SULT1A1: variants seen among roughly 807,000 people sequenced by gnomAD.
SULT1A1 encodes the protein sulfotransferase 1A1.
In SULT1A1, 35 loss-of-function variants were observed where a neutral mutation model predicts 36.8. That is an observed-to-expected ratio of 0.95 (90% CI 0.73 to 1.26). The LOEUF (loss-of-function observed/expected upper bound fraction) is 1.26, where lower values mean the gene tolerates loss of function less well. Among genes scored for constraint, SULT1A1 ranks in the 50% most tolerant of loss-of-function variants. The pLI, the probability that SULT1A1 is intolerant of heterozygous loss-of-function variation, is 0.00. For missense variants in SULT1A1, 309 were observed against 383.0 expected, an observed-to-expected ratio of 0.81 and a Z score of 1.61; for synonymous variants, 119 against 146.0, an observed-to-expected ratio of 0.82 and a Z score of 1.33.
At chr16:28,623,117 C>G (rs771008744) in intron 1 of SULT1A1, 6 of 1,544,316 alleles carry the variant, frequency 3.9e-6, no homozygotes, top group Non-Finnish European at 5.2e-6. Context: ...CAGGTTCCCC[C>G]CCCGGCCCCT....
intron 2 of SULT1A1, among the ~76,000 whole-genome samples, chr16:28,618,964 A>G (rs1367014638): frequency 6.6e-6 from 1 of 152,240 alleles, no homozygotes; most frequent in Non-Finnish European, 1.5e-5. Context: ...AGTTAATATA[A>G]TAAAGTCAGA....
At chr16:28,609,618 C>A in intron 1 of SULT1A1, 2 of 388,966 alleles carry the variant, frequency 5.1e-6, no homozygotes, top group South Asian at 4.3e-5. Flanking sequence ...ATTAACCAGG[C>A]AGGATGATGA....
chr16:28,620,196 G>T, intron 1 of SULT1A1: 1 of 1,507,978 alleles, frequency 6.6e-7, no homozygotes, highest in Non-Finnish European at 9.1e-7. Flanking sequence ...AACAGTTCAT[G>T]TTTAAGTTTA....
chr16:28,609,529 T>C, intron 1 of SULT1A1: 2 of 712,554 alleles, frequency 2.8e-6, no homozygotes, highest in Non-Finnish European at 4.1e-6. Flanking sequence ...CTAGGGAGGC[T>C]GAGGCCAGGA....
intron 2 of SULT1A1, among the ~76,000 whole-genome samples, chr16:28,618,954 A>T (rs1055750767): frequency 1.3e-5 from 2 of 152,224 alleles, no homozygotes; most frequent in African/African-American, 4.8e-5. Context: ...CATTAATAAG[A>T]GTTAATATAA....
chr16:28,610,250 G>GTT, upstream of SULT1A1: 1 of 572,612 alleles, frequency 1.7e-6, no homozygotes, highest in Non-Finnish European at 2.5e-6. Context: ...TGTTTTTGTA[G>GTT]GTTTTTTTTT....
chr16:28,617,599 T>C (rs1240418358), intron 2 of SULT1A1, among the ~76,000 whole-genome samples: 1 of 152,070 alleles, frequency 6.6e-6, no homozygotes, highest in African/African-American at 2.4e-5. Context: ...TGGAGTGCAG[T>C]GGCACGATCT....
chr16:28,623,164 C>T, exon 1 of SULT1A1: 3 of 1,548,714 alleles, frequency 1.9e-6, no homozygotes, highest in Non-Finnish European at 2.6e-6. Context: ...ATGGGCGCAC[C>T]GACCACCTGG....
exon 1 of SULT1A1, chr16:28,623,354 G>C (rs2047696645): frequency 2.0e-6 from 3 of 1,492,254 alleles, no homozygotes; most frequent in East Asian, 2.5e-5. Context: ...CGTCCCCGGC[G>C]GAGACGAGCG....
chr16:28,608,921 A>G (rs41278152), intron 1 of SULT1A1, 62 bp from the exon 2 acceptor site: 76,400 of 1,603,060 alleles, frequency 0.048, 442 homozygotes, highest in East Asian at 0.092. Context: ...AAGAAAGTGG[A>G]ATTCTTGCTT....
chr16:28,622,659 G>T lies in SULT1A1; in HGVS notation c.67+472C>A, dbSNP rs148056348. ...TCCTGTGTTGGCCCCGGGGCCCCAG[G>T]CGTGGATTTTCTGAACAGCAGGTCG... On this transcript the variant is annotated intron_variant, in intron 1 of 5. Coordinates refer to the SULT1A1 transcript ENST00000350842. Among the ~76,000 whole-genome samples, 177 of 152,244 alleles carry T rather than the reference G, an allele frequency of 1.2e-3. 1 individual carries two copies. The East Asian group carries it at 0.033, about 29-fold the overall frequency.
chr16:28,610,118 C>A (rs1231788979), upstream of SULT1A1: 3 of 1,285,340 alleles, frequency 2.3e-6, no homozygotes, highest in South Asian at 3.7e-5. Context: ...GGTGGGGGAG[C>A]TTCTCCATTA....
In SULT1A1 at chr16:28,608,069, C is replaced by T. The variant is rs181756142; in HGVS notation, c.372+222G>A. The T allele has an allele frequency of 1.8e-4, 112 of 628,276 alleles. 1 individual carries two copies. The highest frequency in any genetic ancestry group is 1.7e-3 in the African/African-American group (98 of 56,244). 38.9% of individuals were successfully genotyped at this position (628,276 alleles called of 1,614,324 possible). On this transcript the variant is annotated intron_variant, in intron 4 of 7. Transcript: ENST00000314752. ...TGGTGGGATCTCTGGCTCACCACAA[C>T]CTCCTTCTCCCGGGTTCAAGTGATT... is the stretch of plus-strand genomic sequence containing the variant.
intron 2 of SULT1A1, among the ~76,000 whole-genome samples, chr16:28,619,758 A>ATATATATCCG (rs1346386771): frequency 3.4e-3 from 2 of 596 alleles, no homozygotes; most frequent in African/African-American, 3.6e-3. Flanking sequence ...ATACATATAT[A>ATATATATCCG]TATATAGACA....
At chr16:28,609,042 C>G in intron 1 of SULT1A1, 183 bp from the exon 2 acceptor site, 2 of 1,487,110 alleles carry the variant, frequency 1.3e-6, no homozygotes, top group Non-Finnish European at 1.8e-6. Context: ...TGCGGTGGTT[C>G]CCCAGCCTGG....
Position 28,608,346 on chromosome 16 carries a change from T to C in SULT1A1, c.317A>G (p.Lys106Arg), listed in dbSNP as rs1479569653. Residue 106 changes from lysine to arginine, a missense_variant, in exon 4 of 8, where the codon AAG (lysine) becomes AGG (arginine). Physicochemically the swap from Lys to Arg is conservative, Grantham distance 26. Coordinates refer to ENST00000314752, the MANE Select transcript of SULT1A1 (RefSeq NM_001055.4). ...LKDTPAPRLL[K>R]THLPLALLPQ... ...GAGCAGAGCCAGGGGCAGGTGTGTCTTCAGGAGTCGTGGGGCCGGTGTGTC... is the reference window on the plus strand; with the variant it reads ...GAGCAGAGCCAGGGGCAGGTGTGTCCTCAGGAGTCGTGGGGCCGGTGTGTC... The C allele has an allele frequency of 6.2e-7, 1 of 1,612,260 alleles. No homozygotes were observed. Among genetic ancestry groups the C allele is most frequent in the Non-Finnish European group, 8.5e-7 (1 of 1,178,678 alleles).
rs775829949 is a variant in SULT1A1, at chr16:28,610,023, G to A, written c.-97C>T. On this transcript the variant is annotated 5_prime_UTR_variant, in exon 1 of 8. Coordinates refer to ENST00000314752, the MANE Select transcript of SULT1A1 (RefSeq NM_001055.4). ...GGAATGCAGGGTTGTTCTCTGAGCTGAGGGTTTCCTAGGTCCACTGTGGGA... is the reference window on the plus strand; with the variant it reads ...GGAATGCAGGGTTGTTCTCTGAGCTAAGGGTTTCCTAGGTCCACTGTGGGA... The A allele has an allele frequency of 3.1e-6, 4 of 1,286,724 alleles. No homozygotes were observed. In the African/African-American group the frequency reaches 4.6e-5, roughly 15 times the overall value. 79.7% of individuals were successfully genotyped at this position (1,286,724 alleles called of 1,614,324 possible).
intron 2 of SULT1A1, among the ~76,000 whole-genome samples, chr16:28,616,366 G>A (rs554552517): frequency 2.6e-5 from 4 of 152,142 alleles, no homozygotes; most frequent in Admixed American, 2.0e-4. Context: ...TCTTGCCTCG[G>A]TGCCTGGGTG....
intron 1 of SULT1A1, chr16:28,609,635 G>T: frequency 2.6e-6 from 1 of 385,756 alleles, no homozygotes; most frequent in Non-Finnish European, 4.8e-6. Flanking sequence ...ATGAGGGCCT[G>T]TAGTCCTAGC....
Sources: allele counts gnomAD v4.1 joint callset (sites outside exome capture counted in the v4.1 genomes callset), GRCh38; gene constraint gnomAD v4.1.1; transcripts MANE v1.5; gene names NCBI Gene and HGNC (gene_info 2026-07-23, HGNC 2026-07-21).